Variants in RYR3 observed in about 807,000 individuals in gnomAD.
RYR3 encodes the protein ryanodine receptor 3.
A neutral mutation model predicts 584.3 loss-of-function variants in RYR3; 207 were observed. That is an observed-to-expected ratio of 0.35 (90% confidence interval 0.32 to 0.40). The LOEUF (loss-of-function observed/expected upper bound fraction) is 0.40, where lower values mean the gene tolerates loss of function less well. Among genes scored for constraint, RYR3 ranks in the 10% least tolerant of loss-of-function variants. The pLI, the probability that RYR3 is intolerant of heterozygous loss-of-function variation, is 1.00. For missense variants in RYR3, 5,616 were observed against 6,089.2 expected, an observed-to-expected ratio of 0.92 and a Z score of 2.59; for synonymous variants, 2,416 against 2,248.5, an observed-to-expected ratio of 1.07 and a Z score of -2.11.
At position 33,739,975 on chromosome 15, in the gene RYR3, A is replaced by G; in HGVS notation, c.7800A>G (p.Pro2600=). ...TGGATGCGGATGGCAACTTTGACCC[A>G]AAACCTATTAACACCATGAAGTGAG... The part of the protein sequence containing the change: ...ISVDADGNFD[P]KPINTMNFSL... The change falls in exon 51 of 104, where the codon CCA becomes CCG. Residue 2600 remains proline (P), a synonymous_variant. Transcript: ENST00000634891. The G allele has an allele frequency of 6.2e-7, 1 of 1,613,832 alleles. No homozygotes were observed.
At chr15:33,318,010 G>T (rs1249874376) in intron 1 of RYR3, among the ~76,000 whole-genome samples, 2 of 152,184 alleles carry the variant, frequency 1.3e-5, no homozygotes, top group South Asian at 4.1e-4. Context: ...CCAAGAAGAA[G>T]GAAAGCAAAC....
chr15:33,502,312 C>G (rs1287474357), intron 2 of RYR3, among the ~76,000 whole-genome samples: 2 of 152,128 alleles, frequency 1.3e-5, no homozygotes, highest in African/African-American at 4.8e-5. Context: ...TATTTTAAAA[C>G]TAAATGCTGA....
intron 61 of RYR3, 154 bp downstream of exon 61, chr15:33,768,861 G>T: frequency 3.8e-6 from 3 of 788,484 alleles, no homozygotes; most frequent in Non-Finnish European, 6.5e-6. Context: ...CATGATAAAT[G>T]ACCTCTTTAC....
rs1316069227 is a variant in RYR3 at position 33,848,519 on chromosome 15, T to C, written c.13628+98T>C. 6.4e-6 allele frequency: 9 copies of C among 1,398,476 alleles called. No homozygotes were observed. The South Asian group carries it at 1.3e-4, about 21-fold the overall frequency. 86.6% of individuals were successfully genotyped at this position (1,398,476 alleles called of 1,614,324 possible). ...GGCCTTAAAACTGGTTAATATAAAC[T>C]GTCTTTTGATTTCTAGGACTTTTCT... On this transcript the variant is annotated intron_variant, in intron 94 of 103. Transcript: ENST00000634891.
chr15:33,823,097 C>G, intron 81 of RYR3, 25 bp downstream of exon 81: 1 of 1,595,638 alleles, frequency 6.3e-7, no homozygotes, highest in East Asian at 2.2e-5. Context: ...ACTACCATAG[C>G]ATTTAAAAAA....
intron 3 of RYR3, among the ~76,000 whole-genome samples, chr15:33,517,898 A>G (rs545531169): frequency 6.6e-6 from 1 of 152,300 alleles, no homozygotes; most frequent in South Asian, 2.1e-4. Flanking sequence ...TGATTTAATA[A>G]TAGAATGAGA....
In RYR3 at chr15:33,865,313, A is replaced by C. The variant is rs1248734513; in HGVS notation, c.*87A>C. The C allele has an allele frequency of 1.1e-4, 94 of 887,252 alleles. No homozygotes were observed. Among genetic ancestry groups the C allele is most frequent in the Non-Finnish European group, 2.5e-5 (14 of 571,408 alleles). The allele number at this position is 887,252 out of a possible 1,614,324, so 55.0% of individuals were successfully genotyped here. ...TTTTACAGTTCTGCAACATATCTGA[A>C]ATGTGACATTTTCTAAATGCCTCCC... is the stretch of plus-strand genomic sequence containing the variant. On this transcript the variant is annotated 3_prime_UTR_variant, in exon 104 of 104. Transcript: ENST00000634891.
At chr15:33,616,176 T>C (rs187145665) in intron 19 of RYR3, among the ~76,000 whole-genome samples, 12 of 152,346 alleles carry the variant, frequency 7.9e-5, no homozygotes, top group Admixed American at 7.2e-4. Context: ...CTGAAAAAAC[T>C]ACTTAGGCAA....
At chr15:33,725,827 A>G (rs2339339) in intron 45 of RYR3, among the ~76,000 whole-genome samples, 123,661 of 147,826 alleles carry the variant, frequency 0.84, 51,828 homozygotes, top group East Asian at 0.98. Context: ...AAAATTAGCC[A>G]GGTGTGGTGG....
At chr15:33,692,619 C>CTT (rs3085218) in intron 38 of RYR3, among the ~76,000 whole-genome samples, 21,323 of 140,250 alleles carry the variant, frequency 0.15, 2,053 homozygotes, top group Admixed American at 0.3. Context: ...CTGGGGACTA[C>CTT]TTTTTTTTTT....
chr15:33,533,443 G>C, intron 5 of RYR3, 54 bp downstream of exon 5: 4 of 1,293,850 alleles, frequency 3.1e-6, no homozygotes, highest in Non-Finnish European at 4.4e-6. Context: ...GGGCTAAGGG[G>C]CTTTTGAGAA....
At chr15:33,418,381 A>G (rs528408509) in intron 1 of RYR3, among the ~76,000 whole-genome samples, 1 of 151,090 alleles carries the variant, frequency 6.6e-6, no homozygotes, top group South Asian at 2.1e-4. Flanking sequence ...TTTACTCATT[A>G]TTGGTCTTGA....
chr15:33,796,920 C>A (rs72715171), intron 67 of RYR3, among the ~76,000 whole-genome samples: 2,278 of 152,256 alleles, frequency 0.015, 29 homozygotes, highest in Non-Finnish European at 0.024. Flanking sequence ...GTGGAATACT[C>A]TTTAGTGATT....
intron 30 of RYR3, among the ~76,000 whole-genome samples, chr15:33,648,407 G>GC (rs1401647561): frequency 6.6e-6 from 1 of 152,160 alleles, no homozygotes; most frequent in Admixed American, 6.5e-5. Context: ...AAAATGATGA[G>GC]CTAGTCACCT....
chr15:33,577,053 C>A (rs1156568968), intron 12 of RYR3, among the ~76,000 whole-genome samples: 8 of 152,084 alleles, frequency 5.3e-5, no homozygotes, highest in Non-Finnish European at 7.4e-5. Flanking sequence ...AGGAATACAG[C>A]TAACAAGGGA....
chr15:33,541,800 G>C (rs778390052), intron 7 of RYR3, among the ~76,000 whole-genome samples: 1 of 152,148 alleles, frequency 6.6e-6, no homozygotes, highest in Non-Finnish European at 1.5e-5. Flanking sequence ...TTGGCAACAA[G>C]TGGAAGGCTT....
At chr15:33,462,632 A>G (rs1023010731) in intron 1 of RYR3, among the ~76,000 whole-genome samples, 1 of 151,806 alleles carries the variant, frequency 6.6e-6, no homozygotes, top group Non-Finnish European at 1.5e-5. Flanking sequence ...TTGACTTAAA[A>G]ATAAATAATA....
intron 63 of RYR3, 77 bp from the exon 64 acceptor site, chr15:33,773,457 A>ATTT (rs3086242): frequency 6.6e-6 from 6 of 909,234 alleles, no homozygotes; most frequent in Non-Finnish European, 8.6e-6. Flanking sequence ...ATGCTCATGC[A>ATTT]TTTTTTTTTT....
At chr15:33,557,009 C>T (rs1010794012) in intron 10 of RYR3, among the ~76,000 whole-genome samples, 16 of 152,136 alleles carry the variant, frequency 1.1e-4, no homozygotes, top group African/African-American at 3.9e-4. Context: ...AACCTTTAAG[C>T]AACTAAACTA....
Sources: gnomAD v4.1 joint callset for allele counts (sites outside exome capture counted in the v4.1 genomes callset) on GRCh38, gnomAD v4.1.1 for gene constraint, MANE v1.5 for transcripts, NCBI Gene and HGNC (gene_info 2026-07-23, HGNC 2026-07-21) for gene names.